PTPRG: variants seen among roughly 807,000 people sequenced by gnomAD.
PTPRG encodes receptor-type tyrosine-protein phosphatase gamma.
Under a neutral mutation model 165.3 loss-of-function variants are expected in PTPRG, and 102 were observed. The observed-to-expected ratio is 0.62, with a 90% CI of 0.53 to 0.73. The LOEUF is 0.73. PTPRG is among the 30% of genes least tolerant of loss of function. The pLI is 0.00. For synonymous variants in PTPRG, 675 were observed against 669.5 expected (o/e 1.01, Z -0.13); for missense variants, 1,866 against 1,861.4 (o/e 1.00, Z -0.05).
intron 2 of PTPRG, among the ~76,000 whole-genome samples, chr3:61,760,268 A>G (rs1250277755): frequency 6.6e-6 from 1 of 152,214 alleles, no homozygotes; most frequent in East Asian, 1.9e-4. Context: ...ATAGTATCCT[A>G]GTTCAAAAGT....
At chr3:62,275,794 T>G in intron 23 of PTPRG, 79 bp from the exon 24 acceptor site, 2 of 1,015,778 alleles carry the variant, frequency 2.0e-6, no homozygotes, top group Non-Finnish European at 2.9e-6. Flanking sequence ...GTAATCTGAT[T>G]GGGATTTTTG....
intron 1 of PTPRG, among the ~76,000 whole-genome samples, chr3:61,692,273 A>G (rs1161309851): frequency 6.6e-6 from 1 of 152,248 alleles, no homozygotes; most frequent in Non-Finnish European, 1.5e-5. Flanking sequence ...CCATGGCACA[A>G]CTTAGTAGCA....
rs138768733 is a variant in PTPRG at position 62,127,369 on chromosome 3, T to A, written c.616-5233T>A. On this transcript the variant is annotated intron_variant, in intron 5 of 29. Transcript: ENST00000474889. ...GCCACGGAAGGAGGGGAGATTCAGATGTGAAATCAAACATCCTGAGAAGTG... is the reference window on the plus strand; with the variant it reads ...GCCACGGAAGGAGGGGAGATTCAGAAGTGAAATCAAACATCCTGAGAAGTG... Among the ~76,000 whole-genome samples, 36 of 152,302 alleles carry A rather than the reference T, an allele frequency of 2.4e-4. 1 individual carries two copies. Among genetic ancestry groups the A allele is most frequent in the Non-Finnish European group, 2.8e-4 (19 of 68,020 alleles).
At position 61,651,838 on chromosome 3, in the gene PTPRG, C is replaced by T. The variant is rs532414393; in HGVS notation, c.85+89466C>T. Among the ~76,000 whole-genome samples, 67 of 152,160 alleles carry T rather than the reference C, an allele frequency of 4.4e-4. 4 individuals are homozygous for T. The South Asian group carries it at 0.014, about 31-fold the overall frequency. On this transcript the variant is annotated intron_variant, in intron 1 of 29. Coordinates refer to ENST00000474889, the MANE Select transcript of PTPRG (RefSeq NM_002841.4). ...CAGCCTGGCCAACCTGGCGAAACCC[C>T]GTCTCTACTAAAAATACAAAACTTA...
rs923593484 is a variant in PTPRG, at chr3:62,269,334, G to A, written c.3009+165G>A. Among the ~76,000 whole-genome samples, 5 of 152,046 alleles carry A rather than the reference G, an allele frequency of 3.3e-5. 1 individual carries two copies. Among genetic ancestry groups the A allele is most frequent in the African/African-American group, 2.4e-5 (1 of 41,396 alleles). Reference sequence around the variant, plus strand: ...ATTGACATCAGTGTATGGTGTGAAAGGTATTGGCAAAGCATCTAATAGAAT... The same window carrying A: ...ATTGACATCAGTGTATGGTGTGAAAAGTATTGGCAAAGCATCTAATAGAAT... On this transcript the variant is annotated intron_variant, in intron 20 of 29. Coordinates refer to ENST00000474889, the MANE Select transcript of PTPRG (RefSeq NM_002841.4).
rs185953146 is a variant in PTPRG at position 61,859,477 on chromosome 3, C to A, written c.190+110495C>A. On this transcript the variant is annotated intron_variant, in intron 2 of 29. Coordinates refer to ENST00000474889, the MANE Select transcript of PTPRG (RefSeq NM_002841.4). ...ATCAGAGCTGACATGAACTTTCTTC[C>A]CCCTATGCCTCTGTCCCCCTTTTGT... 4.9e-3 allele frequency among the ~76,000 whole-genome samples: 744 copies of A among 152,176 alleles called. 5 individuals are homozygous for A. The highest frequency in any genetic ancestry group is 0.017 in the Middle Eastern group (5 of 294).
At chr3:62,180,688 A>C (rs971651247) in intron 8 of PTPRG, among the ~76,000 whole-genome samples, 4 of 152,196 alleles carry the variant, frequency 2.6e-5, no homozygotes, top group African/African-American at 9.6e-5. Context: ...AAGATGCATC[A>C]TCCTGAACTT....
At chr3:62,085,530 G>A (rs1701723974) in intron 5 of PTPRG, among the ~76,000 whole-genome samples, 1 of 152,128 alleles carries the variant, frequency 6.6e-6, no homozygotes, top group South Asian at 2.1e-4. Context: ...AGTGAAGAGG[G>A]TTTTTTGGAT....
intron 2 of PTPRG, among the ~76,000 whole-genome samples, chr3:61,839,238 T>G (rs1186298819): frequency 6.6e-6 from 1 of 152,208 alleles, no homozygotes; most frequent in African/African-American, 2.4e-5. Flanking sequence ...TAAATATATT[T>G]AAATAGCTCT....
At chr3:61,874,209 C>A (rs1408431837) in intron 2 of PTPRG, among the ~76,000 whole-genome samples, 1 of 152,110 alleles carries the variant, frequency 6.6e-6, no homozygotes, top group African/African-American at 2.4e-5. Flanking sequence ...GCATGCACTA[C>A]CCCTGTTTTC....
intron 2 of PTPRG, among the ~76,000 whole-genome samples, chr3:61,945,560 C>CAA (rs71123242): frequency 0.028 from 1,525 of 55,368 alleles, 120 homozygotes; most frequent in African/African-American, 0.052. Flanking sequence ...ACTCCGTCAC[C>CAA]AAAAAAAAAA....
chr3:62,230,465 C>A (rs1200566147), intron 13 of PTPRG, among the ~76,000 whole-genome samples: 1 of 152,184 alleles, frequency 6.6e-6, no homozygotes, highest in East Asian at 1.9e-4. Context: ...GAATAGGAAT[C>A]ATTTCAGTGT....
intron 4 of PTPRG, among the ~76,000 whole-genome samples, chr3:62,041,383 T>C (rs1044079694): frequency 6.6e-6 from 1 of 152,152 alleles, no homozygotes; most frequent in African/African-American, 2.4e-5. Context: ...GGTGAGCAGA[T>C]TGTTGTCAAA....
chr3:61,687,970 G>T (rs904945367), intron 1 of PTPRG, among the ~76,000 whole-genome samples: 3 of 152,198 alleles, frequency 2.0e-5, no homozygotes, highest in Non-Finnish European at 4.4e-5. Context: ...AAGGAATCGC[G>T]TACCCAGCTT....
chr3:61,804,435 G>A (rs1487964096), intron 2 of PTPRG, among the ~76,000 whole-genome samples: 5 of 152,158 alleles, frequency 3.3e-5, no homozygotes, highest in Admixed American at 3.3e-4. Context: ...CTTTCAAGCT[G>A]CCAGGCTTGG....
chr3:62,048,730 C>T (rs547498751), intron 4 of PTPRG, among the ~76,000 whole-genome samples: 1 of 152,152 alleles, frequency 6.6e-6, no homozygotes, highest in Non-Finnish European at 1.5e-5. Flanking sequence ...GTCCTTTATT[C>T]TCTATCTAGA....
Position 61,681,054 on chromosome 3 carries a change from T to TAAAA in PTPRG, c.86-67804_86-67801dup, listed in dbSNP as rs61198100. Among the ~76,000 whole-genome samples the TAAAA allele has an allele frequency of 9.5e-3, 625 of 65,776 alleles. 9 individuals are homozygous for TAAAA. The highest frequency in any genetic ancestry group is 0.015 in the East Asian group (37 of 2,526). The allele number at this position is 65,776 out of a possible 152,430, so 43.2% of individuals were successfully genotyped here. A position where few individuals can be genotyped will look rare whatever the true frequency, so the allele number is the denominator to read the frequency against. On this transcript the variant is annotated intron_variant, in intron 1 of 29. Transcript: ENST00000474889. ...GAGTTAATCTTATATCTTTATGTTCTAAAAAAAAAAAAAAAAAAAAAAAGA... is the reference window on the plus strand; with the variant it reads ...GAGTTAATCTTATATCTTTATGTTCTAAAAAAAAAAAAAAAAAAAAAAAAAAAGA...
rs538612112 is a variant in PTPRG, at chr3:62,090,573, G to A, written c.615+12315G>A. On this transcript the variant is annotated intron_variant, in intron 5 of 29. Transcript: ENST00000474889. ...TTGTAAGTGAAAAATGTCCTCATCC[G>A]ACTAAAACAGATCAGACAGGTAAAA... 1.7e-4 allele frequency among the ~76,000 whole-genome samples: 26 copies of A among 152,162 alleles called. No homozygotes were observed. In the South Asian group the frequency reaches 4.0e-3, roughly 23 times the overall value.
chr3:62,022,554 G>T (rs867679517), intron 4 of PTPRG, among the ~76,000 whole-genome samples: 5 of 152,176 alleles, frequency 3.3e-5, no homozygotes, highest in Non-Finnish European at 1.5e-5. Context: ...ATCAGAACTG[G>T]CAGGGAACTG....
Sources: gnomAD v4.1 joint callset for allele counts (sites outside exome capture counted in the v4.1 genomes callset) on GRCh38, gnomAD v4.1.1 for gene constraint, MANE v1.5 for transcripts, NCBI Gene and HGNC (gene_info 2026-07-23, HGNC 2026-07-21) for gene names.